Variants in RRP1 observed in about 807,000 individuals in gnomAD.
RRP1 encodes the protein ribosomal RNA processing protein 1 homolog A.
RRP1 carries 37 observed loss-of-function variants against 54.6 expected under a neutral mutation model. That is an observed-to-expected ratio of 0.68 (90% confidence interval 0.52 to 0.89). The LOEUF is 0.89. RRP1 is among the 40% of genes least tolerant of loss of function. The pLI, the probability that RRP1 is intolerant of heterozygous loss-of-function variation, is 0.00. For synonymous variants in RRP1, 262 were observed against 244.3 expected, an observed-to-expected ratio of 1.07 and a Z score of -0.67; for missense variants, 639 against 612.5, an observed-to-expected ratio of 1.04 and a Z score of -0.46.
rs1569015559 is a variant in RRP1 at position 43,797,711 on chromosome 21, C to G, written c.617+16C>G. 1.2e-6 allele frequency: 2 copies of G among 1,612,738 alleles called. No individual in the cohort carries two copies. The highest frequency in any genetic ancestry group is 1.7e-6 in the Non-Finnish European group (2 of 1,179,682). On this transcript the variant is annotated intron_variant, in intron 7 of 12. Transcript: ENST00000497547. ...GGACCAAGGAGTAAGTGGTGGGTGGCCTGATCGGGCCCGACTCCTTCACTG... is the reference window on the plus strand; with the variant it reads ...GGACCAAGGAGTAAGTGGTGGGTGGGCTGATCGGGCCCGACTCCTTCACTG...
At position 43,800,244 on chromosome 21, in the gene RRP1, C is replaced by T. The variant is rs58866868; in HGVS notation, c.892-273C>T. On this transcript the variant is annotated intron_variant, in intron 9 of 12. Coordinates refer to ENST00000497547, the MANE Select transcript of RRP1 (RefSeq NM_003683.6). ...AAGCTGCAGGCAGGCTACCGGCGGG[C>T]GTGTGCCCTGCAGTGTGCCCCGCAG... Among the ~76,000 whole-genome samples, 663 of 152,334 alleles carry T rather than the reference C, an allele frequency of 4.4e-3. 10 individuals are homozygous for T. The highest frequency in any genetic ancestry group is 0.015 in the African/African-American group (631 of 41,580).
intron 12 of RRP1, 110 bp from the exon 13 acceptor site, chr21:43,803,402 C>T (rs538440992): frequency 9.3e-6 from 13 of 1,395,384 alleles, no homozygotes; most frequent in African/African-American, 7.2e-5. Context: ...CTGTTGTGGC[C>T]GTGTTGTCCT....
chr21:43,797,733 A>T, intron 7 of RRP1, 38 bp downstream of exon 7: 1 of 1,608,540 alleles, frequency 6.2e-7, no homozygotes, highest in East Asian at 2.2e-5. Flanking sequence ...CGACTCCTTC[A>T]CTGAGTTCTT....
At chr21:43,791,646 G>T (rs1442109751) in intron 2 of RRP1, among the ~76,000 whole-genome samples, 1 of 152,172 alleles carries the variant, frequency 6.6e-6, no homozygotes, top group Non-Finnish European at 1.5e-5. Context: ...GGGAGTACAG[G>T]TACCTGCCAC....
At chr21:43,800,244 CGTGTGCCCTGCA>C (rs1227059556) in intron 9 of RRP1, among the ~76,000 whole-genome samples, 5 of 152,216 alleles carry the variant, frequency 3.3e-5, no homozygotes, top group Admixed American at 2.0e-4. Flanking sequence ...TACCGGCGGG[CGTGTGCCCTGCA>C]GTGTGCCCCG....
chr21:43,803,744 G>A lies in RRP1; in HGVS notation c.1356G>A (p.Glu452=). 1 of 1,578,116 alleles carries A rather than the reference G, an allele frequency of 6.3e-7. No individual in the cohort carries two copies. Among genetic ancestry groups the A allele is most frequent in the Non-Finnish European group, 8.6e-7 (1 of 1,160,632 alleles). ...SARAKAANVQ[E]PEKKKKRRE ...GAGCAAAGGCGGCCAATGTCCAGGA[G>A]CCGGAGAAGAAGAAGAAACGCAGGG... is the stretch of plus-strand genomic sequence containing the variant. Residue 452 remains glutamate, a synonymous_variant, in exon 13 of 13, where the codon GAG becomes GAA. Transcript: ENST00000497547.
chr21:43,804,596 G>C lies in RRP1; in HGVS notation c.*822G>C, dbSNP rs538242453. 3.3e-5 allele frequency: 5 copies of C among 152,444 alleles called. No homozygotes were observed. In the East Asian group the frequency reaches 9.7e-4, roughly 29 times the overall value. 9.4% of individuals were successfully genotyped at this position (152,444 alleles called of 1,614,324 possible). A position where few individuals can be genotyped will look rare whatever the true frequency, so the allele number is the denominator to read the frequency against. On this transcript the variant is annotated 3_prime_UTR_variant, in exon 13 of 13. Transcript: ENST00000497547. The surrounding 1 kb of genome is among the most constrained non-coding windows in gnomAD (Gnocchi z 4.3). Reference sequence around the variant, plus strand: ...TTCCACCTGCATGGAACAAGGGCCTGTCTGCCGCCAGCGCTGTGGCCACAG... The same window carrying C: ...TTCCACCTGCATGGAACAAGGGCCTCTCTGCCGCCAGCGCTGTGGCCACAG...
chr21:43,797,506 C>T lies in RRP1; in HGVS notation c.507C>T (p.Phe169=). Residue 169 remains phenylalanine, a synonymous_variant, in exon 6 of 13, where the codon TTC becomes TTT. Transcript: ENST00000497547. ...CCCCCAACGGTGTGAAGAGCCACTT[C>T]ATCGAGATCTTCCTGGAGGAGCTGA... The part of the protein sequence containing the change: ...SQAPNGVKSH[F]IEIFLEELTK... 1 of 1,614,038 alleles carries T rather than the reference C, an allele frequency of 6.2e-7. No homozygotes were observed. Among genetic ancestry groups the T allele is most frequent in the Non-Finnish European group, 8.5e-7 (1 of 1,179,986 alleles).
chr21:43,801,702 G>A lies in RRP1; in HGVS notation c.1010-572G>A, dbSNP rs75636446. ...GCCCGGCTGGTCGTCTGGGGTTTTC[G>A]GGACAGCGCGCGTCAGTGAGGTGCG... On this transcript the variant is annotated intron_variant, in intron 11 of 12. Coordinates refer to ENST00000497547, the MANE Select transcript of RRP1 (RefSeq NM_003683.6). Among the ~76,000 whole-genome samples the A allele has an allele frequency of 4.7e-3, 716 of 152,216 alleles. 4 individuals are homozygous for A. The highest frequency in any genetic ancestry group is 0.016 in the African/African-American group (685 of 41,534).
chr21:43,797,691 A>C lies in RRP1; in HGVS notation c.613A>C (p.Lys205Gln). 1 of 1,613,808 alleles carries C rather than the reference A, an allele frequency of 6.2e-7. No homozygotes were observed. The highest frequency in any genetic ancestry group is 1.1e-5 in the South Asian group (1 of 91,090). ...CTTCTGCAGAATTGCTGCCCGGACC[A>C]AGGAGTAAGTGGTGGGTGGCCTGAT... ...DPFCRIAART[K>Q]DSLVLNNITR... The change falls in exon 7 of 13, where the codon AAG becomes CAG. Residue 205 changes from lysine (K) to glutamine (Q), a missense_variant. Coordinates refer to ENST00000497547, the MANE Select transcript of RRP1 (RefSeq NM_003683.6).
chr21:43,802,757 CCTTCTTCCCTCCA>C (rs1004342641), intron 12 of RRP1, among the ~76,000 whole-genome samples: 60 of 152,352 alleles, frequency 3.9e-4, no homozygotes, highest in Middle Eastern at 3.4e-3. Flanking sequence ...TCTTCCTTCC[CCTTCTTCCCTCCA>C]CTTCTTCCCT....
In RRP1 at chr21:43,800,630, C is replaced by T. The variant is rs368502608; in HGVS notation, c.989+16C>T. ...TGATCCGGAAGTGAGTGTGTGAGGGCGCTGCGTCCTCCCTGCTCCCCTTGG... is the reference window on the plus strand; with the variant it reads ...TGATCCGGAAGTGAGTGTGTGAGGGTGCTGCGTCCTCCCTGCTCCCCTTGG... On this transcript the variant is annotated intron_variant, in intron 10 of 12. Coordinates refer to ENST00000497547, the MANE Select transcript of RRP1 (RefSeq NM_003683.6). 98 of 1,609,330 alleles carry T rather than the reference C, an allele frequency of 6.1e-5. No homozygotes were observed. Among genetic ancestry groups the T allele is most frequent in the Admixed American group, 1.8e-4 (11 of 59,978 alleles).
chr21:43,799,315 C>T (rs1474747500), intron 8 of RRP1, among the ~76,000 whole-genome samples: 1 of 151,570 alleles, frequency 6.6e-6, no homozygotes, highest in African/African-American at 2.4e-5. Flanking sequence ...CCTTTGCAGG[C>T]CTGAGGTGGC....
chr21:43,795,337 A>C, intron 5 of RRP1, 87 bp downstream of exon 5: 3 of 1,303,680 alleles, frequency 2.3e-6, no homozygotes, highest in South Asian at 2.4e-5. Context: ...CCATAAGGAG[A>C]TGTCAGCCTT....
At chr21:43,790,795 C>T (rs1255345722) in intron 1 of RRP1, 1 of 328,976 alleles carries the variant, frequency 3.0e-6, no homozygotes, top group Non-Finnish European at 6.0e-6. Flanking sequence ...TCCTATGTTG[C>T]CCAGACTGGT....
At chr21:43,800,466 C>G in intron 9 of RRP1, 51 bp from the exon 10 acceptor site, 3 of 1,568,992 alleles carry the variant, frequency 1.9e-6, no homozygotes, top group Non-Finnish European at 2.6e-6. Context: ...GTTCTCGGAG[C>G]ACGCAGAGCG....
At chr21:43,801,719 T>C (rs1199700414) in intron 11 of RRP1, among the ~76,000 whole-genome samples, 1 of 152,112 alleles carries the variant, frequency 6.6e-6, no homozygotes, top group African/African-American at 2.4e-5. Flanking sequence ...CGCGCGTCAG[T>C]GAGGTGCGTG....
intron 12 of RRP1, among the ~76,000 whole-genome samples, chr21:43,803,064 G>A (rs1160145075): frequency 6.6e-6 from 1 of 152,230 alleles, no homozygotes; most frequent in African/African-American, 2.4e-5. Flanking sequence ...CAGGGCCTAG[G>A]GATTCACCCC....
At position 43,803,712 on chromosome 21, in the gene RRP1, A is replaced by C; in HGVS notation, c.1324A>C (p.Ser442Arg). ...AAGGAGGACACCTCGGCCCCTGACC[A>C]GTGCCCGAGCAAAGGCGGCCAATGT... is the stretch of plus-strand genomic sequence containing the variant. ...QRRRTPRPLT[S>R]ARAKAANVQE... Residue 442 changes from serine to arginine, a missense_variant, in exon 13 of 13, where the codon AGT (serine) becomes CGT (arginine). Physicochemically the swap from Ser to Arg is moderately radical, Grantham distance 110 (BLOSUM62 -1). Coordinates refer to ENST00000497547, the MANE Select transcript of RRP1 (RefSeq NM_003683.6). 6.4e-7 allele frequency: 1 copy of C among 1,561,528 alleles called. No homozygotes were observed. Among genetic ancestry groups the C allele is most frequent in the Admixed American group, 1.9e-5 (1 of 52,130 alleles).
Sources: allele counts gnomAD v4.1 joint callset (sites outside exome capture counted in the v4.1 genomes callset), GRCh38; gene constraint gnomAD v4.1.1; non-coding constraint Gnocchi (gnomAD v3.1); transcripts MANE v1.5; gene names NCBI Gene and HGNC (gene_info 2026-07-23, HGNC 2026-07-21).